Variants in RORA observed in about 807,000 individuals in gnomAD.
RORA encodes the protein nuclear receptor ROR-alpha.
Under a neutral mutation model 69.5 loss-of-function variants are expected in RORA, and 7 were observed. The ratio of observed to expected loss-of-function variants is 0.10; its 90% CI spans 0.06 to 0.19. The LOEUF (loss-of-function observed/expected upper bound fraction) is 0.19. Ranked by LOEUF, RORA falls within the 10% of genes least tolerant of loss-of-function variation. The pLI is 1.00. For missense variants in RORA, 457 were observed against 663.0 expected, an observed-to-expected ratio of 0.69 and a Z score of 3.41; for synonymous variants, 261 against 240.8, an observed-to-expected ratio of 1.08 and a Z score of -0.78.
chr15:60,758,572 T>G (rs1425354245), intron 1 of RORA, among the ~76,000 whole-genome samples: 1 of 152,174 alleles, frequency 6.6e-6, no homozygotes, highest in Non-Finnish European at 1.5e-5. Flanking sequence ...GTGGGAATTT[T>G]CCTCTTCACC....
intron 1 of RORA, among the ~76,000 whole-genome samples, chr15:61,052,274 G>T (rs954428316): frequency 4.6e-5 from 7 of 152,160 alleles, no homozygotes; most frequent in Non-Finnish European, 1.0e-4. Flanking sequence ...AAAAACTCTG[G>T]TGAAATTATA....
Position 60,502,773 on chromosome 15 carries a change from G to C in RORA, c.1170C>G (p.Val390=). The C allele has an allele frequency of 6.2e-7, 1 of 1,610,756 alleles. No individual in the cohort carries two copies. Among genetic ancestry groups the C allele is most frequent in the Non-Finnish European group, 8.5e-7 (1 of 1,176,970 alleles). Residue 390 remains valine, a synonymous_variant, in exon 8 of 11, where the codon GTC becomes GTG. Coordinates refer to ENST00000335670, the MANE Select transcript of RORA (RefSeq NM_134261.3). ...ATATCCCCTTACCTAAGGATTTGAA[G>C]ACGTCGGGGCTGGCATACTTCCCAT... ...YFDGKYASPD[V]FKSLGCEDFI...
intron 1 of RORA, among the ~76,000 whole-genome samples, chr15:60,758,378 C>T (rs551821254): frequency 6.6e-6 from 1 of 152,328 alleles, no homozygotes; most frequent in Admixed American, 6.5e-5. Flanking sequence ...CCATTTGTAA[C>T]AAGTTACACG....
At chr15:60,665,789 C>T (rs1373464260) in intron 2 of RORA, among the ~76,000 whole-genome samples, 1 of 152,118 alleles carries the variant, frequency 6.6e-6, no homozygotes, top group Non-Finnish European at 1.5e-5. Context: ...ATTCTCGTGC[C>T]TCAGCCTCCC....
chr15:60,519,683 ATC>A (rs2066093754), intron 3 of RORA, among the ~76,000 whole-genome samples: 1 of 152,204 alleles, frequency 6.6e-6, no homozygotes, highest in South Asian at 2.1e-4. Context: ...TTTTACAAAA[ATC>A]TCTCTCTGGA....
chr15:60,546,042 G>C (rs1019370483), intron 2 of RORA, among the ~76,000 whole-genome samples: 5 of 152,090 alleles, frequency 3.3e-5, no homozygotes, highest in Non-Finnish European at 1.5e-5. Context: ...GGAGTCAAGG[G>C]GCTGTGGAAC....
intron 2 of RORA, among the ~76,000 whole-genome samples, chr15:60,545,857 G>GGGCA (rs2067052661): frequency 1.3e-5 from 2 of 152,076 alleles, no homozygotes; most frequent in Admixed American, 1.3e-4. Flanking sequence ...GTCCTCAGTG[G>GGGCA]GGCAGGCGAG....
At chr15:60,565,636 G>C (rs543372278) in intron 2 of RORA, among the ~76,000 whole-genome samples, 1 of 152,186 alleles carries the variant, frequency 6.6e-6, no homozygotes, top group Non-Finnish European at 1.5e-5. Context: ...AGCAGCTTCC[G>C]AAAGTATAAC....
chr15:60,518,817 A>T (rs1285936909), intron 3 of RORA, among the ~76,000 whole-genome samples: 3 of 151,612 alleles, frequency 2.0e-5, no homozygotes, highest in Non-Finnish European at 4.4e-5. Flanking sequence ...GCGCTTCCCC[A>T]TGTGTCCCCT....
At chr15:60,586,008 G>A (rs990142020) in intron 2 of RORA, among the ~76,000 whole-genome samples, 4 of 152,040 alleles carry the variant, frequency 2.6e-5, no homozygotes, top group African/African-American at 9.7e-5. Flanking sequence ...TCTGACATGC[G>A]GCAGAAAAAT....
At chr15:60,636,326 A>T (rs2069839203) in intron 2 of RORA, among the ~76,000 whole-genome samples, 2 of 152,200 alleles carry the variant, frequency 1.3e-5, no homozygotes, top group South Asian at 4.1e-4. Context: ...ACTTGCATCA[A>T]ATGTGGGAGG....
intron 2 of RORA, among the ~76,000 whole-genome samples, chr15:60,549,644 G>A (rs2067173292): frequency 6.6e-6 from 1 of 152,092 alleles, no homozygotes; most frequent in African/African-American, 2.4e-5. Context: ...ATGTGTGTGT[G>A]GGAGGGAGGA....
At chr15:60,665,473 A>G in intron 2 of RORA, among the ~76,000 whole-genome samples, 1 of 152,330 alleles carries the variant, frequency 6.6e-6, no homozygotes, top group East Asian at 1.9e-4. Context: ...ATAGGCAAGT[A>G]TTTTTAAACC....
rs550281476 is a variant in RORA at position 60,775,878 on chromosome 15, T to G, written c.167-97192A>C. On this transcript the variant is annotated intron_variant, in intron 1 of 10. Coordinates refer to ENST00000335670, the MANE Select transcript of RORA (RefSeq NM_134261.3). ...CCCCGTCCTTTCATGGCTGGGTCAT[T>G]ATGGAATACAATGCGGCAGGGGAAA... 3.2e-3 allele frequency among the ~76,000 whole-genome samples: 485 copies of G among 152,296 alleles called. 2 individuals carry two copies. Among genetic ancestry groups the G allele is most frequent in the African/African-American group, 0.011 (464 of 41,558 alleles).
At chr15:60,525,115 T>A (rs2066306654) in intron 3 of RORA, among the ~76,000 whole-genome samples, 1 of 152,160 alleles carries the variant, frequency 6.6e-6, no homozygotes, top group African/African-American at 2.4e-5. Flanking sequence ...AAAACACTTT[T>A]CAATTTCTGT....
At chr15:61,004,863 C>T (rs958100441) in intron 1 of RORA, among the ~76,000 whole-genome samples, 2 of 152,138 alleles carry the variant, frequency 1.3e-5, no homozygotes, top group African/African-American at 4.8e-5. Flanking sequence ...CTTTTTAAAA[C>T]TTATCCAATT....
At chr15:60,832,451 C>T (rs572008397) in intron 1 of RORA, among the ~76,000 whole-genome samples, 1 of 152,140 alleles carries the variant, frequency 6.6e-6, no homozygotes, top group Non-Finnish European at 1.5e-5. Context: ...CTTGAACATG[C>T]AAATAAAGGC....
At chr15:60,934,194 A>G (rs1446218149) in intron 1 of RORA, among the ~76,000 whole-genome samples, 1 of 152,208 alleles carries the variant, frequency 6.6e-6, no homozygotes, top group Non-Finnish European at 1.5e-5. Context: ...TAACAAGGAG[A>G]CTGCTGCCTG....
chr15:61,008,936 C>T (rs528728227), intron 1 of RORA, among the ~76,000 whole-genome samples: 1 of 152,232 alleles, frequency 6.6e-6, no homozygotes, highest in South Asian at 2.1e-4. Context: ...TAGAAAGACA[C>T]GGGGCATAGA....
Sources: allele counts gnomAD v4.1 joint callset (sites outside exome capture counted in the v4.1 genomes callset), GRCh38; gene constraint gnomAD v4.1.1; transcripts MANE v1.5; gene names NCBI Gene and HGNC (gene_info 2026-07-23, HGNC 2026-07-21).